Variants in BPIFB3 observed in about 807,000 individuals in gnomAD.
BPIFB3 encodes BPI fold-containing family B member 3.
In BPIFB3, 49 loss-of-function variants were observed where a neutral mutation model predicts 53.1. The observed-to-expected ratio is 0.92, with a 90% CI of 0.73 to 1.17. The LOEUF is 1.17. BPIFB3 is among the 50% of genes most tolerant of loss of function. The pLI is 0.00. For missense variants in BPIFB3, 628 were observed against 592.5 expected, an observed-to-expected ratio of 1.06 and a Z score of -0.62; for synonymous variants, 271 against 269.6, an observed-to-expected ratio of 1.01 and a Z score of -0.05.
At chr20:33,064,671 C>A in exon 8 of BPIFB3, 1 of 1,613,794 alleles carries the variant, frequency 6.2e-7, no homozygotes, top group Non-Finnish European at 8.5e-7. Context: ...TGCAGCCTAT[C>A]GTGAAGAGTG....
At chr20:33,072,865 T>C (rs1043526253) in intron 14 of BPIFB3, 72 bp downstream of exon 15, 6 of 1,263,618 alleles carry the variant, frequency 4.7e-6, no homozygotes, top group Non-Finnish European at 6.9e-6. Flanking sequence ...TTGAAACTAA[T>C]GAGGGGAATG....
At chr20:33,057,090 A>G (rs1477048167) in intron 2 of BPIFB3, among the ~76,000 whole-genome samples, 2 of 152,124 alleles carry the variant, frequency 1.3e-5, no homozygotes, top group African/African-American at 4.8e-5. Context: ...CTCCTTTGCT[A>G]GATTATAAAC....
intron 13 of BPIFB3, 113 bp from the exon 15 acceptor site, chr20:33,072,604 G>A: frequency 3.5e-6 from 3 of 867,064 alleles, no homozygotes; most frequent in Non-Finnish European, 5.7e-6. Context: ...TGTGAGAAGA[G>A]AACTGGCTGG....
At position 33,064,357 on chromosome 20, in the gene BPIFB3, G is replaced by A. The variant is rs971883987; in HGVS notation, c.653-100G>A. On this transcript the variant is annotated intron_variant, in intron 6 of 14. Coordinates refer to ENST00000375494, the Ensembl canonical transcript of BPIFB3. Reference sequence around the variant, plus strand: ...AGCAGCCAAGTGAATGCTTAGTAGAGTGCTAGGCATTCAGCAGACACTCAA... The same window carrying A: ...AGCAGCCAAGTGAATGCTTAGTAGAATGCTAGGCATTCAGCAGACACTCAA... 7 of 942,638 alleles carry A rather than the reference G, an allele frequency of 7.4e-6. No homozygotes were observed. In the African/African-American group the frequency reaches 1.1e-4, roughly 15 times the overall value. The allele number at this position is 942,638 out of a possible 1,614,324, so 58.4% of individuals were successfully genotyped here. A position where few individuals can be genotyped will look rare whatever the true frequency, so the allele number is the denominator to read the frequency against.
exon 3 of BPIFB3, chr20:33,059,481 G>A (rs1980353262): frequency 6.2e-7 from 1 of 1,607,110 alleles, no homozygotes. Flanking sequence ...GCATTGCTCT[G>A]GGTGAGTGTG....
intron 8 of BPIFB3, among the ~76,000 whole-genome samples, chr20:33,066,502 G>A (rs1002898458): frequency 6.6e-6 from 1 of 152,240 alleles, no homozygotes; most frequent in Admixed American, 6.5e-5. Flanking sequence ...AAATCCTGGT[G>A]TCACCACTTA....
rs202007854 is a variant in BPIFB3, at chr20:33,056,703, G to A, written c.281+5G>A. On this transcript the variant is annotated splice_donor_5th_base_variant and intron_variant, in intron 2 of 14. Coordinates refer to ENST00000375494, the Ensembl canonical transcript of BPIFB3. ...CGTTGTCGAGGAGCTCTCTGGGTGA[G>A]TCCCACCTGCTGCATGCCCTACAGG... The A allele has an allele frequency of 7.0e-6, 11 of 1,577,242 alleles. No homozygotes were observed. In the East Asian group the frequency reaches 2.3e-4, roughly 32 times the overall value.
In BPIFB3 at chr20:33,073,593, C is replaced by T. The variant is rs114341725; in HGVS notation, c.1419C>T (p.Thr473=). 9.2e-4 allele frequency: 1,486 copies of T among 1,614,010 alleles called. 9 individuals carry two copies. In the African/African-American group the frequency reaches 0.018, roughly 19 times the overall value. Residue 473 remains threonine, a synonymous_variant, in exon 15 of 15, where the codon ACC becomes ACT. Transcript: ENST00000375494. ...CCTTACAGAATGCTGTTGTGCTGAC[C>T]GTGGCATCCTGAGGCTGAGACATGG...
At chr20:33,058,776 A>C (rs139445085) in intron 2 of BPIFB3, among the ~76,000 whole-genome samples, 100 of 152,084 alleles carry the variant, frequency 6.6e-4, no homozygotes, top group African/African-American at 2.2e-3. Context: ...CTCAGAGGGC[A>C]TCTGCCCGAG....
rs752810078 is a variant in BPIFB3, at chr20:33,072,799, C to A, written c.1401+6C>A. ...CAGTTCTGGAGATCGTAGAGGTGAG[C>A]CTTCTCTGCAGATACGGCCCAGGTG... On this transcript the variant is annotated splice_donor_region_variant and intron_variant, in intron 14 of 14. Coordinates refer to ENST00000375494, the Ensembl canonical transcript of BPIFB3. 1.2e-6 allele frequency: 2 copies of A among 1,609,272 alleles called. No individual in the cohort carries two copies. Among genetic ancestry groups the A allele is most frequent in the East Asian group, 2.2e-5 (1 of 44,866 alleles).
chr20:33,072,088 G>A lies in BPIFB3; in HGVS notation c.1261-16G>A, dbSNP rs1198416582. On this transcript the variant is annotated splice_polypyrimidine_tract_variant and intron_variant, in intron 12 of 14. Transcript: ENST00000375494. ...CCCAGAGCACCACCCCCACCACCCTGTGTGTTCTGTTGCAGGGATCGCGTT... is the reference window on the plus strand; with the variant it reads ...CCCAGAGCACCACCCCCACCACCCTATGTGTTCTGTTGCAGGGATCGCGTT... 6.2e-7 allele frequency: 1 copy of A among 1,614,100 alleles called. No homozygotes were observed. Among genetic ancestry groups the A allele is most frequent in the Admixed American group, 1.7e-5 (1 of 60,032 alleles).
At position 33,055,485 on chromosome 20, in the gene BPIFB3, GC is replaced by G; in HGVS notation, c.64del (p.Gln22ArgfsTer4). 1 of 1,613,800 alleles carries G rather than the reference GC, an allele frequency of 6.2e-7. No individual in the cohort carries two copies. The highest frequency in any genetic ancestry group is 1.7e-5 in the Admixed American group (1 of 60,024). On this transcript the variant is annotated frameshift_variant, in exon 1 of 15. Coordinates refer to ENST00000375494, the Ensembl canonical transcript of BPIFB3. LOFTEE classifies it high-confidence loss of function. ...CTGCTCTGGGGCCTGGCGACTCCAT[GC>G]CAGGAGCTGCTAGAGACGGTGGGCA...
chr20:33,055,154 T>G (rs1424224350), upstream of BPIFB3, among the ~76,000 whole-genome samples: 1 of 152,218 alleles, frequency 6.6e-6, no homozygotes, highest in Non-Finnish European at 1.5e-5. Context: ...CCTACCCCTT[T>G]CGGTCTCAGT....
chr20:33,068,694 G>C, intron 9 of BPIFB3, 109 bp from the exon 11 acceptor site: 1 of 1,159,896 alleles, frequency 8.6e-7, no homozygotes, highest in South Asian at 1.5e-5. Flanking sequence ...CTGTAACCTC[G>C]TTGCCCAGCA....
chr20:33,064,842 G>C, exon 8 of BPIFB3: 1 of 1,612,012 alleles, frequency 6.2e-7, no homozygotes, highest in Non-Finnish European at 8.5e-7. Context: ...TCACCCCTGA[G>C]CTGGTGAGTG....
At chr20:33,069,714 C>T (rs1980807199) in intron 10 of BPIFB3, among the ~76,000 whole-genome samples, 174 bp from the exon 12 acceptor site, 1 of 152,250 alleles carries the variant, frequency 6.6e-6, no homozygotes, top group Non-Finnish European at 1.5e-5. Flanking sequence ...TGGTTCTCTG[C>T]TGTTCAAGAA....
chr20:33,068,711 C>A, intron 9 of BPIFB3, 92 bp from the exon 11 acceptor site: 1 of 1,345,538 alleles, frequency 7.4e-7, no homozygotes, highest in South Asian at 1.3e-5. Flanking sequence ...AGCACGTTGC[C>A]CAGTGCCTGG....
chr20:33,070,748 C>T (rs1457385927), intron 11 of BPIFB3, among the ~76,000 whole-genome samples: 4 of 152,366 alleles, frequency 2.6e-5, no homozygotes, highest in Middle Eastern at 3.4e-3. Flanking sequence ...TGCCCCATTG[C>T]CGACTTTGAT....
At chr20:33,072,650 G>T in intron 13 of BPIFB3, 67 bp from the exon 15 acceptor site, 1 of 1,377,088 alleles carries the variant, frequency 7.3e-7, no homozygotes, top group South Asian at 1.2e-5. Flanking sequence ...AGCAGGGTCC[G>T]AGGGTTCCTA....
Sources: gnomAD v4.1 joint callset for allele counts (sites outside exome capture counted in the v4.1 genomes callset) on GRCh38, gnomAD v4.1.1 for gene constraint, MANE v1.5 for transcripts, NCBI Gene and HGNC (gene_info 2026-07-23, HGNC 2026-07-21) for gene names.